Variants in PTGER4 observed in about 807,000 individuals in gnomAD.
PTGER4 encodes the protein prostaglandin E2 receptor EP4 subtype.
PTGER4 carries 11 observed loss-of-function variants against 33.2 expected under a neutral mutation model. The ratio of observed to expected loss-of-function variants is 0.33; its 90% confidence interval spans 0.21 to 0.55. PTGER4 has a LOEUF of 0.55. Among genes scored for constraint, PTGER4 ranks in the 20% least tolerant of loss-of-function variants. PTGER4 has a pLI of 0.92. For missense variants in PTGER4, 481 were observed against 650.2 expected (o/e 0.74, Z 2.83); for synonymous variants, 275 against 281.5 (o/e 0.98, Z 0.23).
At chr5:40,695,705 C>T (rs1317082157), downstream of PTGER4, among the ~76,000 whole-genome samples, 3 of 151,846 alleles carry the variant, frequency 2.0e-5, no homozygotes, top group East Asian at 5.8e-4. Context: ...AGGGAGACTC[C>T]GTCGGAAAAA....
Position 40,682,647 on chromosome 5 carries a change from C to A in PTGER4, c.867+787C>A, listed in dbSNP as rs556093603. Among the ~76,000 whole-genome samples, 6 of 152,300 alleles carry A rather than the reference C, an allele frequency of 3.9e-5. No homozygotes were observed. The South Asian group carries it at 1.2e-3, about 32-fold the overall frequency. On this transcript the variant is annotated intron_variant, in intron 2 of 2. Coordinates refer to ENST00000302472, the MANE Select transcript of PTGER4 (RefSeq NM_000958.3). ...GACTAATTATGGACAGGCTGATATA[C>A]ATAGGGTATGGGATTTGAATTCTCG...
the PTGER4 span, among the ~76,000 whole-genome samples, chr5:40,742,762 G>A: frequency 2.0e-5 from 3 of 152,180 alleles, no homozygotes; most frequent in African/African-American, 7.2e-5. Context: ...GGAGGAGGGT[G>A]AGAAAATTTT....
At chr5:40,724,120 A>C in the PTGER4 span, among the ~76,000 whole-genome samples, 1,182 of 152,358 alleles carry the variant, frequency 7.8e-3, 11 homozygotes, top group African/African-American at 0.026. Flanking sequence ...ATGTAGAAAC[A>C]ACCTAAATGT....
intron 2 of PTGER4, among the ~76,000 whole-genome samples, chr5:40,690,376 T>A (rs1366866915): frequency 6.6e-6 from 1 of 152,208 alleles, no homozygotes; most frequent in Non-Finnish European, 1.5e-5. Context: ...CAAATGCATT[T>A]TCCCCTAAGG....
chr5:40,741,464 C>T, the PTGER4 span, among the ~76,000 whole-genome samples: 1 of 152,192 alleles, frequency 6.6e-6, no homozygotes, highest in African/African-American at 2.4e-5. Flanking sequence ...TACAGAAATT[C>T]CCCAATAGTT....
At chr5:40,707,671 C>A in the PTGER4 span, among the ~76,000 whole-genome samples, 7 of 152,154 alleles carry the variant, frequency 4.6e-5, no homozygotes, top group South Asian at 2.1e-4. Flanking sequence ...CAGCTCTGCA[C>A]CAAGTCGACC....
At chr5:40,730,276 C>T in the PTGER4 span, 8 of 1,600,424 alleles carry the variant, frequency 5.0e-6, no homozygotes, top group South Asian at 2.3e-5. Context: ...GATTTCATCT[C>T]GTATAGGGTA....
chr5:40,721,387 G>C, the PTGER4 span, among the ~76,000 whole-genome samples: 1 of 152,092 alleles, frequency 6.6e-6, no homozygotes. Context: ...AAAACAATAC[G>C]ATTCTGGCAT....
the PTGER4 span, among the ~76,000 whole-genome samples, chr5:40,724,570 T>G: frequency 2.0e-5 from 3 of 148,728 alleles, no homozygotes; most frequent in Non-Finnish European, 3.0e-5. Context: ...GAGGTGGAGG[T>G]TGAAGTGAGC....
chr5:40,701,348 C>T, the PTGER4 span, among the ~76,000 whole-genome samples: 1 of 152,154 alleles, frequency 6.6e-6, no homozygotes, highest in Non-Finnish European at 1.5e-5. Context: ...ACAGGTCTGA[C>T]AGAGCTGAAT....
At chr5:40,697,197 AAAG>A (rs777144151), downstream of PTGER4, among the ~76,000 whole-genome samples, 28 of 142,460 alleles carry the variant, frequency 2.0e-4, no homozygotes, top group East Asian at 1.5e-3. Flanking sequence ...GAAAGAAAGA[AAAG>A]AAAGAAAGAA....
At chr5:40,729,736 T>C in the PTGER4 span, among the ~76,000 whole-genome samples, 1 of 152,216 alleles carries the variant, frequency 6.6e-6, no homozygotes, top group Non-Finnish European at 1.5e-5. Flanking sequence ...TCTCGCTGTG[T>C]CACCCAGGCT....
chr5:40,698,308 A>G (rs533802319), downstream of PTGER4, among the ~76,000 whole-genome samples: 11 of 152,052 alleles, frequency 7.2e-5, no homozygotes, highest in Admixed American at 6.5e-4. Context: ...CATCATCATC[A>G]TAAACATAGA....
the PTGER4 span, chr5:40,714,432 T>C: frequency 6.6e-6 from 1 of 152,182 alleles, no homozygotes; most frequent in Non-Finnish European, 1.5e-5. Context: ...CAATCTAATT[T>C]TTCAAAAGCT....
In PTGER4 at chr5:40,692,348, A is replaced by T; in HGVS notation, c.1437A>T (p.Glu479Asp). ...CCCTGCAAGTCACATTTCCCAGTGA[A>T]ACACTGAACTTATCAGAAAAATGTA... ...GSSLQVTFPS[E>D]TLNLSEKCI is the part of the protein sequence containing the mutation. Residue 479 changes from glutamate to aspartate, a missense_variant, in exon 3 of 3, where the codon GAA becomes GAT. Glu to Asp is a conservative substitution (Grantham distance 45). Around this residue, in one of 7 missense-constraint regions of PTGER4, gnomAD observed 172 missense variants for 199.2 expected, o/e 0.86. Transcript: ENST00000302472. 3 of 1,602,226 alleles carry T rather than the reference A, an allele frequency of 1.9e-6. No homozygotes were observed. Among genetic ancestry groups the T allele is most frequent in the Non-Finnish European group, 2.6e-6 (3 of 1,173,788 alleles).
chr5:40,738,438 A>AC, the PTGER4 span, among the ~76,000 whole-genome samples: 10 of 76,440 alleles, frequency 1.3e-4, no homozygotes, highest in Admixed American at 1.6e-4. Flanking sequence ...AATAAAATAT[A>AC]AAATAAAATA....
At chr5:40,706,426 T>C in the PTGER4 span, among the ~76,000 whole-genome samples, 1 of 152,106 alleles carries the variant, frequency 6.6e-6, no homozygotes, top group Non-Finnish European at 1.5e-5. Context: ...CAAACCCTCA[T>C]GACACGTGTT....
the PTGER4 span, among the ~76,000 whole-genome samples, chr5:40,721,682 A>AAAAAC: frequency 0.096 from 14,625 of 151,862 alleles, 882 homozygotes; most frequent in East Asian, 0.24. Flanking sequence ...CAAAAAAAAC[A>AAAAAC]AAAACAAAAC....
At chr5:40,722,579 GC>G in the PTGER4 span, among the ~76,000 whole-genome samples, 2 of 151,554 alleles carry the variant, frequency 1.3e-5, no homozygotes, top group Non-Finnish European at 2.9e-5. Flanking sequence ...GAACTGAGGA[GC>G]GTCTCTGACC....
Sources: gnomAD v4.1 joint callset for allele counts (sites outside exome capture counted in the v4.1 genomes callset) on GRCh38, gnomAD v4.1.1 for gene constraint, gnomAD v4.1.1 regional missense constraint, MANE v1.5 for transcripts, NCBI Gene and HGNC (gene_info 2026-07-23, HGNC 2026-07-21) for gene names.